Variants in PEAK1 observed in about 807,000 individuals in gnomAD.
PEAK1 encodes inactive tyrosine-protein kinase PEAK1.
In PEAK1, 54 loss-of-function variants were observed where a neutral mutation model predicts 124.7. The observed-to-expected ratio is 0.43, with a 90% confidence interval of 0.35 to 0.54. The LOEUF (loss-of-function observed/expected upper bound fraction) is 0.54, where lower values mean the gene tolerates loss of function less well. Among genes scored for constraint, PEAK1 ranks in the 20% least tolerant of loss-of-function variants. PEAK1 has a pLI of 0.01. For missense variants in PEAK1, 2,046 were observed against 2,134.5 expected (o/e 0.96, Z 0.82); for synonymous variants, 719 against 760.0 (o/e 0.95, Z 0.89).
intron 6 of PEAK1, among the ~76,000 whole-genome samples, chr15:77,199,462 TAGAG>T (rs1431073660): frequency 5.9e-5 from 9 of 152,126 alleles, no homozygotes; most frequent in Non-Finnish European, 1.0e-4. Flanking sequence ...AGAGCTCTGA[TAGAG>T]AGAACACCAT....
At chr15:77,205,156 G>T in intron 6 of PEAK1, 1 of 273,740 alleles carries the variant, frequency 3.7e-6, no homozygotes. Flanking sequence ...ACAATTCAGA[G>T]GAATATTTTT....
chr15:77,394,827 C>T (rs953588676), intron 1 of PEAK1, among the ~76,000 whole-genome samples: 1 of 152,146 alleles, frequency 6.6e-6, no homozygotes, highest in Non-Finnish European at 1.5e-5. Context: ...CCTGGAGAGA[C>T]AGAGATAATG....
chr15:77,414,194 T>C (rs1409900540), intron 1 of PEAK1, among the ~76,000 whole-genome samples: 1 of 148,524 alleles, frequency 6.7e-6, no homozygotes, highest in Non-Finnish European at 1.5e-5. Flanking sequence ...TGTCTTTCCT[T>C]CCTTCTTTCC....
intron 1 of PEAK1, among the ~76,000 whole-genome samples, chr15:77,385,786 A>G (rs1002076011): frequency 2.0e-5 from 3 of 152,224 alleles, no homozygotes; most frequent in Non-Finnish European, 1.5e-5. Context: ...ACTTATTTAG[A>G]TGCCACCTGA....
chr15:77,144,073 A>T (rs1430509309), intron 8 of PEAK1, among the ~76,000 whole-genome samples: 1 of 152,206 alleles, frequency 6.6e-6, no homozygotes, highest in African/African-American at 2.4e-5. Context: ...TTATAACCTC[A>T]GAACTGACAA....
exon 7 of PEAK1, chr15:77,102,486 T>G (rs1456915065): frequency 6.6e-6 from 1 of 152,236 alleles, no homozygotes; most frequent in African/African-American, 2.4e-5. Context: ...AGATAAAACA[T>G]GCATTGACTT....
intron 2 of PEAK1, chr15:77,337,668 C>CA (rs2066285158): frequency 3.0e-6 from 3 of 985,098 alleles, no homozygotes; most frequent in South Asian, 4.7e-5. Flanking sequence ...ATGGCATATG[C>CA]AAAAAATTAA....
intron 1 of PEAK1, among the ~76,000 whole-genome samples, chr15:77,414,386 T>TA (rs2072705788): frequency 7.8e-6 from 1 of 128,442 alleles, no homozygotes; most frequent in African/African-American, 3.2e-5. Context: ...ATTTTTTGTA[T>TA]TTTTTTTTTT....
intron 6 of PEAK1, among the ~76,000 whole-genome samples, chr15:77,244,676 C>A (rs2060501161): frequency 6.6e-6 from 1 of 152,054 alleles, no homozygotes; most frequent in Admixed American, 6.6e-5. Flanking sequence ...GCAGCCTCCA[C>A]CTCCTGGGTC....
At chr15:77,248,882 T>C (rs2060715761) in intron 6 of PEAK1, among the ~76,000 whole-genome samples, 2 of 152,202 alleles carry the variant, frequency 1.3e-5, no homozygotes, top group African/African-American at 4.8e-5. Context: ...TGGAGTGCAG[T>C]GGTGCCATCT....
intron 7 of PEAK1, among the ~76,000 whole-genome samples, chr15:77,166,405 T>C (rs1023414614): frequency 2.0e-5 from 3 of 152,366 alleles, no homozygotes; most frequent in South Asian, 2.1e-4. Context: ...AGTGGGGCTA[T>C]TGACATTTTG....
chr15:77,192,450 G>A (rs2057880946), intron 6 of PEAK1, among the ~76,000 whole-genome samples: 1 of 152,204 alleles, frequency 6.6e-6, no homozygotes, highest in Non-Finnish European at 1.5e-5. Context: ...ACTCTGGGGA[G>A]TTACTGGATA....
At chr15:77,250,160 T>TATATAC (rs2060784082) in intron 6 of PEAK1, among the ~76,000 whole-genome samples, 1 of 141,620 alleles carries the variant, frequency 7.1e-6, no homozygotes, top group African/African-American at 2.7e-5. Context: ...TATATACATA[T>TATATAC]ATATACATAT....
intron 1 of PEAK1, among the ~76,000 whole-genome samples, chr15:77,398,586 T>G (rs1310018489): frequency 6.6e-6 from 1 of 151,756 alleles, no homozygotes; most frequent in African/African-American, 2.4e-5. Flanking sequence ...AAAAAAAAAT[T>G]CAAAAAACTA....
intron 8 of PEAK1, among the ~76,000 whole-genome samples, chr15:77,143,247 C>G (rs2053926595): frequency 6.6e-6 from 1 of 152,146 alleles, no homozygotes. Context: ...TTTTCAGTTG[C>G]TTACCTAGAC....
At position 77,375,999 on chromosome 15, in the gene PEAK1, A is replaced by AG. The variant is rs1346751773; in HGVS notation, c.-665-10775_-665-10774insC. On this transcript the variant is annotated intron_variant, in intron 1 of 9. Coordinates refer to ENST00000682557, the MANE Select transcript of PEAK1 (RefSeq NM_001385026.1). ...GGGAGACAGAGCGAGACTCCGTCTC[A>AG]AAAATAAATAAATAAATAAATAAAT... Among the ~76,000 whole-genome samples the AG allele has an allele frequency of 3.7e-5, 5 of 134,612 alleles. No individual in the cohort carries two copies. The East Asian group carries it at 8.5e-4, about 23-fold the overall frequency. The allele number at this position is 134,612 out of a possible 152,430, so 88.3% of individuals were successfully genotyped here.
chr15:77,367,570 C>T (rs2068338481), intron 1 of PEAK1, among the ~76,000 whole-genome samples: 1 of 152,106 alleles, frequency 6.6e-6, no homozygotes, highest in Non-Finnish European at 1.5e-5. Context: ...TAGGAAAATG[C>T]TCATCTGTTG....
intron 2 of PEAK1, chr15:77,348,776 C>CT (rs1010115581): frequency 3.2e-5 from 20 of 623,734 alleles, no homozygotes; most frequent in Middle Eastern, 8.6e-4. Flanking sequence ...TGATGAATAT[C>CT]TTTTTTTCTT....
intron 9 of PEAK1, among the ~76,000 whole-genome samples, chr15:77,129,014 A>G (rs1314667617): frequency 6.6e-6 from 1 of 152,184 alleles, no homozygotes; most frequent in East Asian, 1.9e-4. Context: ...TTAACCCCCA[A>G]TGTGAGACAG....
Sources: allele counts gnomAD v4.1 joint callset (sites outside exome capture counted in the v4.1 genomes callset), GRCh38; gene constraint gnomAD v4.1.1; transcripts MANE v1.5; gene names NCBI Gene and HGNC (gene_info 2026-07-23, HGNC 2026-07-21).